Variants in EPHA2 observed in about 807,000 individuals in gnomAD.
EPHA2 encodes the protein EPH receptor A2.
EPHA2 carries 54 observed loss-of-function variants against 104.9 expected under a neutral mutation model. The ratio of observed to expected loss-of-function variants is 0.51; its 90% confidence interval spans 0.41 to 0.65. EPHA2 has a LOEUF of 0.65. Ranked by LOEUF, EPHA2 falls within the 30% of genes least tolerant of loss-of-function variation. EPHA2 has a pLI of 0.00. For synonymous variants in EPHA2, 560 were observed against 559.1 expected, an observed-to-expected ratio of 1.00 and a Z score of -0.02; for missense variants, 1,117 against 1,369.5, an observed-to-expected ratio of 0.82 and a Z score of 2.91.
intron 3 of EPHA2, among the ~76,000 whole-genome samples, chr1:16,143,087 G>T (rs1305978544): frequency 1.3e-5 from 2 of 150,098 alleles, no homozygotes; most frequent in African/African-American, 2.5e-5. Flanking sequence ...GTGGATGGAT[G>T]GATGGATAGA....
intron 1 of EPHA2, among the ~76,000 whole-genome samples, chr1:16,154,638 C>T (rs538727759): frequency 1.3e-5 from 2 of 151,526 alleles, no homozygotes; most frequent in South Asian, 2.1e-4. Context: ...ACCTGTAATC[C>T]CAGCTACTAG....
At chr1:16,155,542 C>T (rs938467269) in intron 1 of EPHA2, 5 of 373,922 alleles carry the variant, frequency 1.3e-5, no homozygotes, top group Admixed American at 4.8e-5. Flanking sequence ...CTCCCCACGC[C>T]CCCCGCCGGG....
chr1:16,139,249 G>A (rs1465341752), intron 3 of EPHA2, among the ~76,000 whole-genome samples: 2 of 152,226 alleles, frequency 1.3e-5, no homozygotes, highest in Non-Finnish European at 2.9e-5. Flanking sequence ...CCTACAGGCA[G>A]GAAGCTGCCC....
In EPHA2 at chr1:16,135,719, G is replaced by A. The variant is rs993473436; in HGVS notation, c.1364C>T (p.Ser455Phe). The A allele has an allele frequency of 1.3e-5, 21 of 1,613,638 alleles. No individual in the cohort carries two copies. The highest frequency in any genetic ancestry group is 1.8e-5 in the Non-Finnish European group (21 of 1,179,978). Residue 455 changes from serine (S) to phenylalanine (F), a missense_variant, in exon 6 of 17, where the codon TCC (serine) becomes TTC (phenylalanine). Physicochemically the swap from Ser to Phe is radical, Grantham distance 155. Around this residue, in one of 3 missense-constraint regions of EPHA2, gnomAD observed 664 missense variants for 784.8 expected, o/e 0.85. Transcript: ENST00000358432. The surrounding 1 kb of genome is among the most constrained non-coding windows in gnomAD (Gnocchi z 4.3). ...EGRSTTSLSV[S>F]WSIPPPQQSR... The stretch of plus-strand genomic sequence containing the variant: ...CTGCTGCGGCGGGGGGATGCTCCAG[G>A]AGACGCTAAGCGAGGTGGTGCTGCG...
chr1:16,130,182 G>A lies in EPHA2; in HGVS notation c.2669+44C>T, dbSNP rs2124194843. On this transcript the variant is annotated intron_variant, in intron 15 of 16. Transcript: ENST00000358432. The surrounding 1 kb of genome is among the most constrained non-coding windows in gnomAD (Gnocchi z 4.5). ...TACCGAAGTGGTTCAAGAGTCTGCAGAAGGAAAATTGAGGTCATCATGGGC... is the reference window on the plus strand; with the variant it reads ...TACCGAAGTGGTTCAAGAGTCTGCAAAAGGAAAATTGAGGTCATCATGGGC... 1 of 1,613,582 alleles carries A rather than the reference G, an allele frequency of 6.2e-7. No individual in the cohort carries two copies. The highest frequency in any genetic ancestry group is 8.5e-7 in the Non-Finnish European group (1 of 1,179,622).
chr1:16,149,500 C>T (rs1483167543), intron 2 of EPHA2, among the ~76,000 whole-genome samples: 1 of 152,230 alleles, frequency 6.6e-6, no homozygotes, highest in Non-Finnish European at 1.5e-5. Flanking sequence ...GTATTATTCA[C>T]CATGCACCCA....
chr1:16,125,381 G>GGGTGGGGGGCTGGGGTGGGGGCGGGGCTT lies in EPHA2; in HGVS notation c.2826-62_2826-61insAAGCCCCGCCCCCACCCCAGCCCCCCACC. The GGGTGGGGGGCTGGGGTGGGGGCGGGGCTT allele has an allele frequency of 9.9e-7, 1 of 1,005,132 alleles. No individual in the cohort carries two copies. Among genetic ancestry groups the GGGTGGGGGGCTGGGGTGGGGGCGGGGCTT allele is most frequent in the Non-Finnish European group, 1.5e-6 (1 of 677,722 alleles). The allele number at this position is 1,005,132 out of a possible 1,614,324, so 62.3% of individuals were successfully genotyped here. A position where few individuals can be genotyped will look rare whatever the true frequency, so the allele number is the denominator to read the frequency against. On this transcript the variant is annotated intron_variant, in intron 16 of 16. Transcript: ENST00000358432. The surrounding 1 kb of genome is among the most constrained non-coding windows in gnomAD (Gnocchi z 4.9). Reference sequence around the variant, plus strand: ...CTGGAGCAGGGGAGGGGGCCGGGCTGGGTGGGGACAGGACTCGGTGGGCGG... The same window carrying GGGTGGGGGGCTGGGGTGGGGGCGGGGCTT: ...CTGGAGCAGGGGAGGGGGCCGGGCTGGGTGGGGGGCTGGGGTGGGGGCGGGGCTTGGTGGGGACAGGACTCGGTGGGCGG...
In EPHA2 at chr1:16,150,954, A is replaced by T; in HGVS notation, c.95T>A (p.Leu32Gln). 6.2e-7 allele frequency: 1 copy of T among 1,614,094 alleles called. No homozygotes were observed. Among genetic ancestry groups the T allele is most frequent in the Non-Finnish European group, 8.5e-7 (1 of 1,180,008 alleles). ...AAAQGKEVVL[L>Q]DFAAAGGELG... ...CTCCCCTCCAGCTGCAGCAAAGTCCAGCAGTACCACTGAAAGGGAGAAGGG... is the reference window on the plus strand; with the variant it reads ...CTCCCCTCCAGCTGCAGCAAAGTCCTGCAGTACCACTGAAAGGGAGAAGGG... Residue 32 changes from leucine (L) to glutamine (Q), a missense_variant, in exon 2 of 17, where the codon CTG (leucine) becomes CAG (glutamine). Coordinates refer to ENST00000358432, the MANE Select transcript of EPHA2 (RefSeq NM_004431.5). This position sits in a 1 kb window ranked among gnomAD's most constrained non-coding sequence, Gnocchi z 4.8.
intron 1 of EPHA2, among the ~76,000 whole-genome samples, chr1:16,152,022 A>G (rs114603415): frequency 0.015 from 2,304 of 152,324 alleles, 43 homozygotes; most frequent in African/African-American, 0.052. Context: ...AAGTCCAGGT[A>G]GCTGCCAATA....
In EPHA2 at chr1:16,137,881, A is replaced by T. The variant is rs142079142; in HGVS notation, c.1284T>A (p.Arg428=). The T allele has an allele frequency of 1.6e-4, 253 of 1,613,910 alleles. 1 individual carries two copies. The African/African-American group carries it at 3.1e-3, about 20-fold the overall frequency. Residue 428 remains arginine (R), a synonymous_variant, in exon 5 of 17, where the codon CGT becomes CGA. Coordinates refer to ENST00000358432, the MANE Select transcript of EPHA2 (RefSeq NM_004431.5). ...VSGLVTSRSF[R]TASVSINQTE... ...TCTGGTTGATGCTGACACTGGCAGTACGGAAGCTGCGGCTGGTTACCAGGC... is the reference window on the plus strand; with the variant it reads ...TCTGGTTGATGCTGACACTGGCAGTTCGGAAGCTGCGGCTGGTTACCAGGC...
intron 9 of EPHA2, 46 bp from the exon 10 acceptor site, chr1:16,133,652 C>A (rs1479017768): frequency 6.2e-7 from 1 of 1,611,596 alleles, no homozygotes; most frequent in Non-Finnish European, 8.5e-7. Flanking sequence ...GGAGGGGCCC[C>A]ATGGGGGGTG....
intron 3 of EPHA2, among the ~76,000 whole-genome samples, chr1:16,143,495 A>G (rs764752295): frequency 6.6e-6 from 1 of 152,058 alleles, no homozygotes; most frequent in Admixed American, 6.5e-5. Context: ...GGCTACTCCG[A>G]GCAGGGGAAC....
In EPHA2 at chr1:16,132,105, G is replaced by C. The variant is rs2024581163; in HGVS notation, c.2284C>G (p.Arg762Gly). The change falls in exon 13 of 17, where the codon CGC (arginine) becomes GGC (glycine). Residue 762 changes from arginine (R) to glycine (G), a missense_variant. This residue lies in a region of EPHA2 where 340 missense variants were observed against 480.5 expected (regional missense o/e 0.71). Coordinates refer to ENST00000358432, the MANE Select transcript of EPHA2 (RefSeq NM_004431.5). ...GCCTCGGGGTCGTCCTCCAGCACGC[G>C]GGACAGGCCAAAGTCAGACACCTTG... ...VCKVSDFGLS[R>G]VLEDDPEATY... The C allele has an allele frequency of 6.2e-7, 1 of 1,614,084 alleles. No homozygotes were observed. Among genetic ancestry groups the C allele is most frequent in the Non-Finnish European group, 8.5e-7 (1 of 1,180,000 alleles).
intron 1 of EPHA2, among the ~76,000 whole-genome samples, chr1:16,154,361 AC>A (rs2025106999): frequency 6.6e-6 from 1 of 151,820 alleles, no homozygotes; most frequent in African/African-American, 2.4e-5. Context: ...ACAGGATGCC[AC>A]CCCCAACACC....
intron 16 of EPHA2, 40 bp downstream of exon 16, chr1:16,129,394 A>T: frequency 6.3e-7 from 1 of 1,583,978 alleles, no homozygotes. Flanking sequence ...CTGGAGTGGG[A>T]GGCGGGAGGC....
intron 11 of EPHA2, 22 bp from the exon 12 acceptor site, chr1:16,132,461 T>G (rs1570399691): frequency 6.2e-7 from 1 of 1,612,428 alleles, no homozygotes; most frequent in South Asian, 1.1e-5. Flanking sequence ...TGGGCACAGG[T>G]GAGAGGTAAG....
chr1:16,141,820 G>C (rs532307923), intron 3 of EPHA2, among the ~76,000 whole-genome samples: 1 of 152,378 alleles, frequency 6.6e-6, no homozygotes, highest in South Asian at 2.1e-4. Context: ...TTCCGCTGCG[G>C]ATGTGCCAGA....
chr1:16,137,423 C>T (rs2024734159), intron 5 of EPHA2, among the ~76,000 whole-genome samples: 1 of 151,872 alleles, frequency 6.6e-6, no homozygotes, highest in South Asian at 2.1e-4. Context: ...ATAGTGAAAC[C>T]CTGTCTCTCC....
At chr1:16,140,640 A>T (rs1251789180) in intron 3 of EPHA2, among the ~76,000 whole-genome samples, 1 of 152,088 alleles carries the variant, frequency 6.6e-6, no homozygotes, top group Non-Finnish European at 1.5e-5. Context: ...TGTTTTTGAG[A>T]TGGAGTCTCG....
Sources: allele counts gnomAD v4.1 joint callset (sites outside exome capture counted in the v4.1 genomes callset), GRCh38; gene constraint gnomAD v4.1.1; regional missense constraint gnomAD v4.1.1; non-coding constraint Gnocchi (gnomAD v3.1); transcripts MANE v1.5; gene names NCBI Gene and HGNC (gene_info 2026-07-23, HGNC 2026-07-21).